The following IL1RAP variants were observed in gnomAD, a reference collection of about 807,000 sequenced individuals.
IL1RAP encodes the protein interleukin-1 receptor accessory protein.
Under a neutral mutation model 60.7 loss-of-function variants are expected in IL1RAP, and 35 were observed. The ratio of observed to expected loss-of-function variants is 0.58; its 90% CI spans 0.44 to 0.76. IL1RAP has a LOEUF of 0.76. IL1RAP is among the 30% of genes least tolerant of loss of function. IL1RAP has a pLI of 0.00. For synonymous variants in IL1RAP, 268 were observed against 250.9 expected, an observed-to-expected ratio of 1.07 and a Z score of -0.64; for missense variants, 572 against 693.9, an observed-to-expected ratio of 0.82 and a Z score of 1.97.
intron 1 of IL1RAP, among the ~76,000 whole-genome samples, chr3:190,533,179 T>A (rs1003046354): frequency 2.6e-5 from 4 of 152,162 alleles, no homozygotes; most frequent in Admixed American, 2.6e-4. Flanking sequence ...TCATCCAGGA[T>A]AAGTAGGTTG....
chr3:190,524,522 G>A (rs542613374), intron 1 of IL1RAP, among the ~76,000 whole-genome samples: 1 of 152,058 alleles, frequency 6.6e-6, no homozygotes, highest in Non-Finnish European at 1.5e-5. Context: ...TGTAAGGAAG[G>A]GGTTCAATTT....
chr3:190,580,066 G>T (rs1727855954), intron 3 of IL1RAP, among the ~76,000 whole-genome samples: 1 of 152,166 alleles, frequency 6.6e-6, no homozygotes, highest in African/African-American at 2.4e-5. Flanking sequence ...GTGGACATAT[G>T]TTTTCATTTT....
At chr3:190,590,582 T>A (rs1239906987) in intron 3 of IL1RAP, among the ~76,000 whole-genome samples, 1 of 152,182 alleles carries the variant, frequency 6.6e-6, no homozygotes, top group East Asian at 1.9e-4. Flanking sequence ...GGTGCCACAC[T>A]TATGGGCAGC....
chr3:190,565,321 C>T lies in IL1RAP; in HGVS notation c.64+968C>T, dbSNP rs561872031. On this transcript the variant is annotated intron_variant, in intron 3 of 11. Transcript: ENST00000447382. ...ACACCATAAACCATACTTTACATAT[C>T]GTTGCTTTAATTCCTTTTCTTTGTG... 2.1e-4 allele frequency among the ~76,000 whole-genome samples: 32 copies of T among 152,254 alleles called. No individual in the cohort carries two copies. The South Asian group carries it at 4.1e-3, about 20-fold the overall frequency.
intron 3 of IL1RAP, among the ~76,000 whole-genome samples, chr3:190,568,014 TGAG>T (rs1280687381): frequency 1.3e-5 from 2 of 152,098 alleles, no homozygotes; most frequent in African/African-American, 4.8e-5. Flanking sequence ...GATCCCAAGT[TGAG>T]GAGGTAATAA....
At chr3:190,544,475 T>C (rs1325136942) in intron 1 of IL1RAP, among the ~76,000 whole-genome samples, 1 of 152,176 alleles carries the variant, frequency 6.6e-6, no homozygotes, top group Non-Finnish European at 1.5e-5. Context: ...GAAAATTGAT[T>C]TGAATTTCCT....
At chr3:190,565,119 TG>T (rs924765801) in intron 3 of IL1RAP, among the ~76,000 whole-genome samples, 3 of 151,596 alleles carry the variant, frequency 2.0e-5, no homozygotes, top group African/African-American at 7.3e-5. Flanking sequence ...TATCTAAAAC[TG>T]AAATTTGTCT....
At chr3:190,609,757 C>G (rs1018030163) in intron 5 of IL1RAP, among the ~76,000 whole-genome samples, 3 of 152,182 alleles carry the variant, frequency 2.0e-5, no homozygotes, top group Admixed American at 2.0e-4. Flanking sequence ...GAATTTGCAA[C>G]ATAACTCAGT....
chr3:190,545,572 A>T (rs1724297243), intron 1 of IL1RAP, among the ~76,000 whole-genome samples: 1 of 152,214 alleles, frequency 6.6e-6, no homozygotes, highest in African/African-American at 2.4e-5. Context: ...AGACATTCAG[A>T]TTCCAGTAGA....
chr3:190,640,872 A>C (rs1733608735), intron 9 of IL1RAP, among the ~76,000 whole-genome samples: 1 of 152,222 alleles, frequency 6.6e-6, no homozygotes, highest in Non-Finnish European at 1.5e-5. Flanking sequence ...CTACATCCTG[A>C]ATCAGAATAT....
chr3:190,573,492 G>T (rs1727180001), intron 3 of IL1RAP, among the ~76,000 whole-genome samples: 1 of 152,160 alleles, frequency 6.6e-6, no homozygotes, highest in African/African-American at 2.4e-5. Context: ...TTAGTAATCG[G>T]AAGTGTTGGA....
At chr3:190,563,181 C>G (rs897623604) in intron 2 of IL1RAP, among the ~76,000 whole-genome samples, 10 of 152,148 alleles carry the variant, frequency 6.6e-5, no homozygotes, top group Non-Finnish European at 1.3e-4. Context: ...CCTCTTTGAT[C>G]TGTTTAAGCT....
intron 3 of IL1RAP, among the ~76,000 whole-genome samples, chr3:190,574,419 G>A (rs192027809): frequency 1.7e-4 from 26 of 152,294 alleles, no homozygotes; most frequent in African/African-American, 5.5e-4. Context: ...TTTGAGTGCA[G>A]TGGGAAGCTG....
intron 5 of IL1RAP, among the ~76,000 whole-genome samples, chr3:190,618,016 C>T (rs1261882509): frequency 7.2e-5 from 11 of 152,294 alleles, no homozygotes; most frequent in South Asian, 6.2e-4. Flanking sequence ...GACTTCTCAT[C>T]CTCAAAAGTG....
At chr3:190,531,957 T>C (rs1723020729) in intron 1 of IL1RAP, among the ~76,000 whole-genome samples, 1 of 152,128 alleles carries the variant, frequency 6.6e-6, no homozygotes, top group Non-Finnish European at 1.5e-5. Context: ...AATACTAGAT[T>C]GCTGGGGCCA....
chr3:190,649,834 G>C lies in IL1RAP; in HGVS notation c.*1129G>C. The C allele has an allele frequency of 1.0e-6, 1 of 985,284 alleles. No homozygotes were observed. 61.0% of individuals were successfully genotyped at this position (985,284 alleles called of 1,614,324 possible). A position where few individuals can be genotyped will look rare whatever the true frequency, so the allele number is the denominator to read the frequency against. ...GTATGAGAAGTCACTGTCAATGAAA[G>C]TTGTTTTGTTTGTTTTCAGTAATAT... On this transcript the variant is annotated 3_prime_UTR_variant, in exon 12 of 12. Transcript: ENST00000447382.
chr3:190,553,454 C>T (rs1344886995), intron 1 of IL1RAP, among the ~76,000 whole-genome samples: 2 of 152,058 alleles, frequency 1.3e-5, no homozygotes, highest in East Asian at 1.9e-4. Context: ...TTTTTAATGC[C>T]TGGGAAGAAC....
chr3:190,515,660 C>A (rs1721448114), intron 1 of IL1RAP, among the ~76,000 whole-genome samples: 1 of 151,860 alleles, frequency 6.6e-6, no homozygotes, highest in Admixed American at 6.6e-5. Context: ...CTGCCCTGAT[C>A]TGAGACATCC....
In IL1RAP at chr3:190,628,216, G is replaced by C. The variant is rs550950378; in HGVS notation, c.902+767G>C. Among the ~76,000 whole-genome samples, 3 of 152,276 alleles carry C rather than the reference G, an allele frequency of 2.0e-5. No homozygotes were observed. In the East Asian group the frequency reaches 5.8e-4, roughly 29 times the overall value. On this transcript the variant is annotated intron_variant, in intron 8 of 11. Coordinates refer to ENST00000447382, the MANE Select transcript of IL1RAP (RefSeq NM_002182.4). ...GCATACCATTACCGAACAGCAGTTG[G>C]CTCACTGCACCAATTAAAAATTTGC...
Sources: gnomAD v4.1 joint callset for allele counts (sites outside exome capture counted in the v4.1 genomes callset) on GRCh38, gnomAD v4.1.1 for gene constraint, MANE v1.5 for transcripts, NCBI Gene and HGNC (gene_info 2026-07-23, HGNC 2026-07-21) for gene names.